The following EIF3M variants were observed in gnomAD, a reference collection of about 807,000 sequenced individuals.
The protein encoded by EIF3M is B5 receptor.
EIF3M carries 25 observed loss-of-function variants against 49.7 expected under a neutral mutation model. The observed-to-expected ratio is 0.50, with a 90% confidence interval of 0.37 to 0.70. The LOEUF (loss-of-function observed/expected upper bound fraction) is 0.70, where lower values mean the gene tolerates loss of function less well. EIF3M is among the 30% of genes least tolerant of loss of function. The probability of loss-of-function intolerance (pLI) is 0.00; values close to 1 mark genes in which losing one functional copy is unlikely to be tolerated. For synonymous variants in EIF3M, 156 were observed against 149.8 expected, an observed-to-expected ratio of 1.04 and a Z score of -0.30; for missense variants, 350 against 440.0, an observed-to-expected ratio of 0.80 and a Z score of 1.83.
At position 32,587,251 on chromosome 11, in the gene EIF3M, C is replaced by T. The variant is rs1296094069; in HGVS notation, c.175+107C>T. The T allele has an allele frequency of 4.5e-5, 51 of 1,145,196 alleles. 1 individual carries two copies. Among genetic ancestry groups the T allele is most frequent in the Non-Finnish European group, 5.9e-5 (49 of 837,428 alleles). The allele number at this position is 1,145,196 out of a possible 1,614,324, so 70.9% of individuals were successfully genotyped here. On this transcript the variant is annotated intron_variant, in intron 2 of 10. Coordinates refer to ENST00000531120, the MANE Select transcript of EIF3M (RefSeq NM_006360.6). ...TCTGAGGCAAGGAGGATTTGGAACC[C>T]TCAGATACAGAAGGCTGACTGTATT...
intron 1 of EIF3M, among the ~76,000 whole-genome samples, chr11:32,586,315 T>C (rs1057434893): frequency 8.5e-5 from 13 of 152,156 alleles, no homozygotes; most frequent in African/African-American, 3.1e-4. Context: ...GGAATAAATA[T>C]ATATAATTCG....
rs1467113085 is a variant in EIF3M at position 32,589,536 on chromosome 11, A to G, written c.439-11A>G. The G allele has an allele frequency of 7.4e-6, 12 of 1,612,154 alleles. No homozygotes were observed. Among genetic ancestry groups the G allele is most frequent in the East Asian group, 2.2e-5 (1 of 44,856 alleles). On this transcript the variant is annotated splice_polypyrimidine_tract_variant and intron_variant, in intron 4 of 10. Transcript: ENST00000531120. ...GTTACTCAGTTTTCTCCTTTTGTCA[A>G]TCTCTTGTAGGTTAGAAAATGGATT...
intron 8 of EIF3M, among the ~76,000 whole-genome samples, chr11:32,596,305 A>G (rs760289993): frequency 2.0e-5 from 3 of 152,088 alleles, no homozygotes; most frequent in Non-Finnish European, 4.4e-5. Context: ...TATGAAAACA[A>G]CTCGGGGCCC....
chr11:32,603,025 G>A lies in EIF3M; in HGVS notation c.*626G>A. 9 of 1,583,264 alleles carry A rather than the reference G, an allele frequency of 5.7e-6. No individual in the cohort carries two copies. The highest frequency in any genetic ancestry group is 6.8e-6 in the Non-Finnish European group (8 of 1,170,550). On this transcript the variant is annotated 3_prime_UTR_variant, in exon 11 of 11. Transcript: ENST00000531120. ...TATCAGAGGCTTTGTTTTCACCTGG[G>A]AAAGATAAACTAATTTTACCTTCGA... is the stretch of plus-strand genomic sequence containing the variant.
At chr11:32,595,292 C>T (rs963556966) in intron 7 of EIF3M, among the ~76,000 whole-genome samples, 23 of 151,954 alleles carry the variant, frequency 1.5e-4, no homozygotes, top group Admixed American at 1.2e-3. Context: ...GTGGCATGAT[C>T]TTGGCTCACT....
At chr11:32,592,336 C>T (rs895377126) in intron 5 of EIF3M, 2 of 552,106 alleles carry the variant, frequency 3.6e-6, no homozygotes, top group East Asian at 4.6e-5. Context: ...AAAAGCAAAT[C>T]CTCTCTTTTT....
chr11:32,590,396 G>T (rs553795265), intron 5 of EIF3M, among the ~76,000 whole-genome samples: 13 of 152,126 alleles, frequency 8.5e-5, no homozygotes, highest in Non-Finnish European at 1.3e-4. Flanking sequence ...CCTACCCCTT[G>T]TCTAAGTAGT....
rs532253736 is a variant in EIF3M, at chr11:32,584,512, G to A, written c.42+583G>A. Among the ~76,000 whole-genome samples the A allele has an allele frequency of 2.0e-5, 3 of 147,476 alleles. No individual in the cohort carries two copies. In the East Asian group the frequency reaches 6.0e-4, roughly 30 times the overall value. On this transcript the variant is annotated intron_variant, in intron 1 of 10. Coordinates refer to ENST00000531120, the MANE Select transcript of EIF3M (RefSeq NM_006360.6). ...AGTCCCAGCTACTGCCGAGGCTGAG[G>A]CAAGAGAATCGCTTGAACCCGCGAG...
Position 32,605,563 on chromosome 11 carries a change from C to G in EIF3M, c.*3164C>G, listed in dbSNP as rs1421907727. The G allele has an allele frequency of 6.6e-6, 1 of 152,152 alleles. No homozygotes were observed. Among genetic ancestry groups the G allele is most frequent in the African/African-American group, 2.4e-5 (1 of 41,428 alleles). 9.4% of individuals were successfully genotyped at this position (152,152 alleles called of 1,614,324 possible). ...TTTTGGTGTATTTGGCATCCAAGTACAAATTAACAGTTTCCCAAAATCCTG... is the reference window on the plus strand; with the variant it reads ...TTTTGGTGTATTTGGCATCCAAGTAGAAATTAACAGTTTCCCAAAATCCTG... On this transcript the variant is annotated 3_prime_UTR_variant, in exon 11 of 11. Transcript: ENST00000531120.
intron 6 of EIF3M, chr11:32,594,677 G>A (rs1397770465): frequency 2.9e-6 from 1 of 340,880 alleles, no homozygotes; most frequent in Non-Finnish European, 5.3e-6. Context: ...TTACCTTGGT[G>A]CTTTCTCTCC....
intron 8 of EIF3M, among the ~76,000 whole-genome samples, chr11:32,596,321 G>A (rs997292962): frequency 6.6e-6 from 1 of 152,132 alleles, no homozygotes; most frequent in Non-Finnish European, 1.5e-5. Context: ...GGCCCAGCGC[G>A]GTGGCTTAGA....
chr11:32,594,896 T>G lies in EIF3M; in HGVS notation c.618-18T>G. The G allele has an allele frequency of 5.0e-6, 8 of 1,596,556 alleles. No individual in the cohort carries two copies. The highest frequency in any genetic ancestry group is 6.8e-6 in the Non-Finnish European group (8 of 1,172,502). ...GGATTTCAAAACCCTGAGCTTACAT[T>G]TTTGTTCTCTAATTAAGGTGTATTG... On this transcript the variant is annotated intron_variant, in intron 6 of 10. Coordinates refer to ENST00000531120, the MANE Select transcript of EIF3M (RefSeq NM_006360.6).
chr11:32,598,555 A>T (rs1172913808), intron 8 of EIF3M, among the ~76,000 whole-genome samples: 1 of 152,010 alleles, frequency 6.6e-6, no homozygotes, highest in African/African-American at 2.4e-5. Context: ...AAGGGTTTTA[A>T]GTTTGGTTCT....
rs746656425 is a variant in EIF3M, at chr11:32,600,784, C to G, written c.895C>G (p.Gln299Glu). The G allele has an allele frequency of 6.2e-7, 1 of 1,611,122 alleles. No individual in the cohort carries two copies. Among genetic ancestry groups the G allele is most frequent in the Non-Finnish European group, 8.5e-7 (1 of 1,178,202 alleles). The change falls in exon 9 of 11, where the codon CAA becomes GAA. Residue 299 changes from glutamine to glutamate, a missense_variant. Gln to Glu is a conservative substitution (Grantham distance 29). Coordinates refer to ENST00000531120, the MANE Select transcript of EIF3M (RefSeq NM_006360.6). ...NKEISFDTMQ[Q>E]ELQIGADDVE... is the part of the protein sequence containing the mutation. ...GGAAATTTCTTTTGACACAATGCAG[C>G]AAGAACTTCAGATTGGAGCTGATGA...
chr11:32,598,283 CA>C (rs1451609294), intron 8 of EIF3M, among the ~76,000 whole-genome samples: 6 of 152,112 alleles, frequency 3.9e-5, no homozygotes, highest in East Asian at 1.9e-4. Flanking sequence ...CATTTTAAGA[CA>C]GGGGTCAGTG....
chr11:32,601,500 T>TA, intron 9 of EIF3M: 3 of 187,770 alleles, frequency 1.6e-5, no homozygotes, highest in Non-Finnish European at 2.8e-5. Flanking sequence ...CTAGCATTCT[T>TA]TAAAAAAAAA....
chr11:32,585,584 AT>A (rs1230326480), intron 1 of EIF3M, among the ~76,000 whole-genome samples: 1 of 152,226 alleles, frequency 6.6e-6, no homozygotes, highest in Non-Finnish European at 1.5e-5. Context: ...ACGTGGTTCA[AT>A]AGTTCTTAGA....
intron 8 of EIF3M, among the ~76,000 whole-genome samples, chr11:32,596,330 G>A (rs1159262662): frequency 1.3e-5 from 2 of 152,084 alleles, no homozygotes; most frequent in Non-Finnish European, 2.9e-5. Flanking sequence ...CGGTGGCTTA[G>A]AGGTATAATC....
chr11:32,596,918 AAAAG>A (rs1356729783), intron 8 of EIF3M, among the ~76,000 whole-genome samples: 2 of 152,132 alleles, frequency 1.3e-5, no homozygotes, highest in African/African-American at 4.8e-5. Flanking sequence ...AAACAAAAAA[AAAAG>A]AGAGAGAAAA....
Sources: gnomAD v4.1 joint callset for allele counts (sites outside exome capture counted in the v4.1 genomes callset) on GRCh38, gnomAD v4.1.1 for gene constraint, MANE v1.5 for transcripts, NCBI Gene and HGNC (gene_info 2026-07-23, HGNC 2026-07-21) for gene names.